The following EEF2 variants were observed in gnomAD, a reference collection of about 807,000 sequenced individuals.
EEF2 encodes the protein elongation factor 2.
Under a neutral mutation model 85.3 loss-of-function variants are expected in EEF2, and 21 were observed. The observed-to-expected ratio is 0.25, with a 90% CI of 0.17 to 0.35. The LOEUF (loss-of-function observed/expected upper bound fraction) is 0.35. Ranked by LOEUF, EEF2 falls within the 10% of genes least tolerant of loss-of-function variation. The pLI, the probability that EEF2 is intolerant of heterozygous loss-of-function variation, is 1.00. For missense variants in EEF2, 825 were observed against 1,225.3 expected, an observed-to-expected ratio of 0.67 and a Z score of 4.88; for synonymous variants, 723 against 508.8, an observed-to-expected ratio of 1.42 and a Z score of -5.67.
Position 3,981,378 on chromosome 19 carries a change from G to C in EEF2, c.972C>G (p.Asp324Glu). ...KLIEKLDIKLDSEDKDKEGKP... is the reference protein window; with the variant it reads ...KLIEKLDIKLESEDKDKEGKP... ...TGCCTTCTTTGTCCTTGTCCTCGCTGTCCAGTTTGATGTCCAGTTTCTCTA... is the reference window on the plus strand; with the variant it reads ...TGCCTTCTTTGTCCTTGTCCTCGCTCTCCAGTTTGATGTCCAGTTTCTCTA... Residue 324 changes from aspartate to glutamate, a missense_variant, in exon 7 of 15, where the codon GAC (aspartate) becomes GAG (glutamate). Coordinates refer to ENST00000309311, the MANE Select transcript of EEF2 (RefSeq NM_001961.4). 1.9e-6 allele frequency: 3 copies of C among 1,614,244 alleles called. No homozygotes were observed. The South Asian group carries it at 3.3e-5, about 18-fold the overall frequency.
Position 3,980,984 on chromosome 19 carries a change from G to C in EEF2, c.1012-5C>G, listed in dbSNP as rs780215634. On this transcript the variant is annotated splice_region_variant and splice_polypyrimidine_tract_variant and intron_variant, in intron 7 of 14. Coordinates refer to ENST00000309311, the MANE Select transcript of EEF2 (RefSeq NM_001961.4). ...CAGCCAGCGGCGCATCACAGCCTGC[G>C]GGGGCAGAGAGCGGTGCATGAGACA... 1.9e-6 allele frequency: 3 copies of C among 1,568,520 alleles called. No individual in the cohort carries two copies. Among genetic ancestry groups the C allele is most frequent in the Non-Finnish European group, 1.7e-6 (2 of 1,158,536 alleles).
Position 3,980,675 on chromosome 19 carries a change from C to T in EEF2, c.1185G>A (p.Met395Ile). 6.2e-7 allele frequency: 1 copy of T among 1,614,106 alleles called. No homozygotes were observed. The highest frequency in any genetic ancestry group is 1.6e-4 in the Middle Eastern group (1 of 6,062). The change falls in exon 9 of 15, where the codon ATG becomes ATA. Residue 395 changes from methionine to isoleucine, a missense_variant. Coordinates refer to ENST00000309311, the MANE Select transcript of EEF2 (RefSeq NM_001961.4). ...IKSCDPKGPL[M>I]MYISKMVPTS... ...TTGGCACCATTTTGGAAATATACAT[C>T]ATAAGAGGGCCTTTGGGGTCACAGC...
In EEF2 at chr19:3,977,115, C is replaced by G; in HGVS notation, c.2383+100G>C. ...ACCTGCTCCATCCATCACCTGCTCCCATCAGGACGCCTCCTTTAACACCTT... is the reference window on the plus strand; with the variant it reads ...ACCTGCTCCATCCATCACCTGCTCCGATCAGGACGCCTCCTTTAACACCTT... On this transcript the variant is annotated intron_variant, in intron 14 of 14. Transcript: ENST00000309311. The surrounding 1 kb of genome is among the most constrained non-coding windows in gnomAD (Gnocchi z 5.4). 3 of 1,513,308 alleles carry G rather than the reference C, an allele frequency of 2.0e-6. No individual in the cohort carries two copies. Among genetic ancestry groups the G allele is most frequent in the Non-Finnish European group, 2.7e-6 (3 of 1,122,706 alleles). 93.7% of individuals were successfully genotyped at this position (1,513,308 alleles called of 1,614,324 possible).
rs2039688888 is a variant in EEF2, at chr19:3,977,194, C to A, written c.2383+21G>T. The A allele has an allele frequency of 1.2e-6, 2 of 1,609,938 alleles. No homozygotes were observed. Among genetic ancestry groups the A allele is most frequent in the Non-Finnish European group, 1.7e-6 (2 of 1,177,700 alleles). On this transcript the variant is annotated intron_variant, in intron 14 of 14. Transcript: ENST00000309311. This position sits in a 1 kb window ranked among gnomAD's most constrained non-coding sequence, Gnocchi z 5.4. ...AAACCAGCCTGCCAGGCTCTGCAGG[C>A]CACACCGGGCAGGCACTCACCAAAG... is the stretch of plus-strand genomic sequence containing the variant.
At chr19:3,978,217 G>A (rs1192258564) in intron 11 of EEF2, 45 bp from the exon 12 acceptor site, 10 of 1,418,422 alleles carry the variant, frequency 7.1e-6, no homozygotes, top group Non-Finnish European at 9.3e-6. Flanking sequence ...AGAAAGAGGT[G>A]ACCTTACACA....
rs759028907 is a variant in EEF2 at position 3,980,393 on chromosome 19, G to C, written c.1346+121C>G. 20 of 1,271,850 alleles carry C rather than the reference G, an allele frequency of 1.6e-5. No homozygotes were observed. The Admixed American group carries it at 3.5e-4, about 22-fold the overall frequency. The allele number at this position is 1,271,850 out of a possible 1,614,324, so 78.8% of individuals were successfully genotyped here. A position where few individuals can be genotyped will look rare whatever the true frequency, so the allele number is the denominator to read the frequency against. On this transcript the variant is annotated intron_variant, in intron 9 of 14. Transcript: ENST00000309311. ...AGAACAAAAGTTGTGGCTGGCACAA[G>C]TATCACCCTATATTCCTTCTATGCT...
chr19:3,981,201 C>G, intron 7 of EEF2, 138 bp downstream of exon 7: 1 of 1,054,328 alleles, frequency 9.5e-7, no homozygotes, highest in Non-Finnish European at 1.4e-6. Context: ...TCTCCAGCAG[C>G]ACCCAGAGTC....
rs377137866 is a variant in EEF2 at position 3,977,330 on chromosome 19, G to A, written c.2268C>T (p.Val756=). The A allele has an allele frequency of 6.9e-6, 11 of 1,594,268 alleles. No individual in the cohort carries two copies. The highest frequency in any genetic ancestry group is 2.3e-5 in the East Asian group (1 of 43,916). The change falls in exon 14 of 15, where the codon GTC becomes GTT. Residue 756 remains valine (V), a synonymous_variant. Transcript: ENST00000309311. This position sits in a 1 kb window ranked among gnomAD's most constrained non-coding sequence, Gnocchi z 5.4. The part of the protein sequence containing the change: ...LVEIQCPEQV[V]GGIYGVLNRK... ...TGTTCAAAACCCCGTAGATGCCACCGACCACCTGCTCTGGACACTGCCAGA... is the reference window on the plus strand; with the variant it reads ...TGTTCAAAACCCCGTAGATGCCACCAACCACCTGCTCTGGACACTGCCAGA...
chr19:3,980,478 A>G (rs371755070), intron 9 of EEF2, 36 bp downstream of exon 9: 1 of 1,589,266 alleles, frequency 6.3e-7, no homozygotes, highest in East Asian at 2.2e-5. Flanking sequence ...GGCCCGCAAC[A>G]GTGCCAAGGG....
At chr19:3,983,387 T>C (rs1357938258) in intron 2 of EEF2, 96 bp from the exon 3 acceptor site, 22 of 1,356,114 alleles carry the variant, frequency 1.6e-5, no homozygotes, top group East Asian at 2.5e-5. Context: ...CCTCCCTCCA[T>C]GACTCATCCC....
intron 7 of EEF2, 124 bp from the exon 8 acceptor site, chr19:3,981,103 C>G: frequency 7.0e-7 from 1 of 1,435,154 alleles, no homozygotes; most frequent in Non-Finnish European, 9.2e-7. Flanking sequence ...AAAGCACAGT[C>G]CCTTCTGGAA....
Position 3,982,307 on chromosome 19 carries a change from A to G in EEF2, c.730T>C (p.Leu244=), listed in dbSNP as rs774100881. ...AKFAAKGEGQ[L]GPAERAKKVE... is the part of the protein sequence containing the mutation. The stretch of plus-strand genomic sequence containing the variant: ...TTCTTGGCCCGCTCGGCAGGCCCCA[A>G]CTGGCCCTCCCCCTTGGCGGCGAAC... The change falls in exon 5 of 15, where the codon TTG becomes CTG. Residue 244 remains leucine, a synonymous_variant. Coordinates refer to ENST00000309311, the MANE Select transcript of EEF2 (RefSeq NM_001961.4). 18 of 1,613,984 alleles carry G rather than the reference A, an allele frequency of 1.1e-5. No individual in the cohort carries two copies. The East Asian group carries it at 1.6e-4, about 14-fold the overall frequency.
At chr19:3,978,344 A>T (rs182115023) in intron 11 of EEF2, among the ~76,000 whole-genome samples, 172 bp from the exon 12 acceptor site, 1 of 152,032 alleles carries the variant, frequency 6.6e-6, no homozygotes, top group African/African-American at 2.4e-5. Flanking sequence ...CTCACTCCAG[A>T]CAAGGACAAG....
In EEF2 at chr19:3,976,136, G is replaced by A. The variant is rs2039676922; in HGVS notation, c.*418C>T. 2 of 223,070 alleles carry A rather than the reference G, an allele frequency of 9.0e-6. No homozygotes were observed. The highest frequency in any genetic ancestry group is 4.7e-5 in the African/African-American group (2 of 42,248). 13.8% of individuals were successfully genotyped at this position (223,070 alleles called of 1,614,324 possible). ...ATGGTGACACCGCACAGGACTTCCT[G>A]CCTGCTAGAAATCATCTACCCGCGT... On this transcript the variant is annotated 3_prime_UTR_variant, in exon 15 of 15. Coordinates refer to ENST00000309311, the MANE Select transcript of EEF2 (RefSeq NM_001961.4).
chr19:3,980,166 G>A, intron 9 of EEF2, 100 bp from the exon 10 acceptor site: 1 of 1,498,580 alleles, frequency 6.7e-7, no homozygotes, highest in Non-Finnish European at 8.9e-7. Flanking sequence ...CCTCCTGCCA[G>A]GTCCCAGGGC....
At chr19:3,979,623 G>A (rs1336729732) in intron 10 of EEF2, among the ~76,000 whole-genome samples, 185 bp downstream of exon 10, 2 of 152,242 alleles carry the variant, frequency 1.3e-5, no homozygotes, top group Non-Finnish European at 2.9e-5. Flanking sequence ...CACGCGCAGA[G>A]CAGCCTAGGA....
chr19:3,981,109 T>C, intron 7 of EEF2, 130 bp from the exon 8 acceptor site: 3 of 1,416,154 alleles, frequency 2.1e-6, no homozygotes, highest in South Asian at 1.4e-5. Context: ...CAGTCCCTTC[T>C]GGAAGGCGGC....
chr19:3,984,111 G>T, intron 2 of EEF2, 25 bp downstream of exon 2: 1 of 1,607,648 alleles, frequency 6.2e-7, no homozygotes, highest in South Asian at 1.1e-5. Context: ...TCCCTGCCTG[G>T]GTACAGAGGG....
chr19:3,980,402 T>C (rs1292187162), intron 9 of EEF2, 112 bp downstream of exon 9: 9 of 1,324,264 alleles, frequency 6.8e-6, no homozygotes, highest in Non-Finnish European at 9.2e-6. Context: ...AGTATCACCC[T>C]ATATTCCTTC....
Sources: allele counts gnomAD v4.1 joint callset (sites outside exome capture counted in the v4.1 genomes callset), GRCh38; gene constraint gnomAD v4.1.1; non-coding constraint Gnocchi (gnomAD v3.1); transcripts MANE v1.5; gene names NCBI Gene and HGNC (gene_info 2026-07-23, HGNC 2026-07-21).